ENTPD1: variants seen among roughly 807,000 people sequenced by gnomAD.
ENTPD1 encodes the protein ATP diphosphohydrolase.
A neutral mutation model predicts 57.0 loss-of-function variants in ENTPD1; 33 were observed. That is an observed-to-expected ratio of 0.58 (90% CI 0.44 to 0.77). The LOEUF is 0.77. ENTPD1 is among the 30% of genes least tolerant of loss of function. The pLI is 0.00. For synonymous variants in ENTPD1, 202 were observed against 218.8 expected (o/e 0.92, Z 0.68); for missense variants, 501 against 603.4 (o/e 0.83, Z 1.78).
chr10:95,749,638 G>A (rs2098009696), intron 1 of ENTPD1, among the ~76,000 whole-genome samples: 2 of 152,178 alleles, frequency 1.3e-5, no homozygotes, highest in Admixed American at 1.3e-4. Flanking sequence ...GAGGGAATGA[G>A]CCATGTGGAT....
chr10:95,700,322 AG>A, the ENTPD1 span, among the ~76,000 whole-genome samples: 1 of 152,206 alleles, frequency 6.6e-6, no homozygotes, highest in East Asian at 1.9e-4. Flanking sequence ...TAAATCTACA[AG>A]TCCAATGTTT....
At chr10:95,819,179 T>C (rs2098340036) in intron 1 of ENTPD1, among the ~76,000 whole-genome samples, 1 of 152,166 alleles carries the variant, frequency 6.6e-6, no homozygotes, top group Non-Finnish European at 1.5e-5. Context: ...TTTGTTTGTT[T>C]TGGAGACAGG....
chr10:95,736,401 C>A (rs2097994731), intron 1 of ENTPD1, among the ~76,000 whole-genome samples: 1 of 152,042 alleles, frequency 6.6e-6, no homozygotes, highest in Non-Finnish European at 1.5e-5. Flanking sequence ...TTCTAGCTAA[C>A]CTTTTCCCCT....
Position 95,866,430 on chromosome 10 carries a change from C to T in ENTPD1, c.*47C>T, listed in dbSNP as rs761224350. 1.9e-6 allele frequency: 3 copies of T among 1,610,008 alleles called. No homozygotes were observed. In the East Asian group the frequency reaches 6.7e-5, roughly 36 times the overall value. ...GGCTGGAGTGAGGAAAAAAATCGTC[C>T]AGGGAGCATTTTCCTCCATCGCAGT... On this transcript the variant is annotated 3_prime_UTR_variant, in exon 10 of 10. Transcript: ENST00000371205.
chr10:95,871,361 C>A lies in ENTPD1; in HGVS notation c.*4978C>A. Reference sequence around the variant, plus strand: ...CTTCTAAGACATCATCAGTCTGCAACTTCTTTCCATAGCCTTAATCAGGAT... The same window carrying A: ...CTTCTAAGACATCATCAGTCTGCAAATTCTTTCCATAGCCTTAATCAGGAT... On this transcript the variant is annotated 3_prime_UTR_variant, in exon 10 of 10. Transcript: ENST00000371205. 2.0e-6 allele frequency: 2 copies of A among 985,442 alleles called. No individual in the cohort carries two copies. Among genetic ancestry groups the A allele is most frequent in the South Asian group, 9.4e-5 (2 of 21,286 alleles). The allele number at this position is 985,442 out of a possible 1,614,324, so 61.0% of individuals were successfully genotyped here.
chr10:95,868,198 T>G lies in ENTPD1; in HGVS notation c.*1815T>G, dbSNP rs1228666446. 4 of 985,370 alleles carry G rather than the reference T, an allele frequency of 4.1e-6. No individual in the cohort carries two copies. Among genetic ancestry groups the G allele is most frequent in the Non-Finnish European group, 4.8e-6 (4 of 829,948 alleles). The allele number at this position is 985,370 out of a possible 1,614,324, so 61.0% of individuals were successfully genotyped here. A position where few individuals can be genotyped will look rare whatever the true frequency, so the allele number is the denominator to read the frequency against. ...AGGTTAAGTCATTTGCCCAAATGGCTGAGCCAAAGCCTACCATGTACCTAA... is the reference window on the plus strand; with the variant it reads ...AGGTTAAGTCATTTGCCCAAATGGCGGAGCCAAAGCCTACCATGTACCTAA... On this transcript the variant is annotated 3_prime_UTR_variant, in exon 10 of 10. Coordinates refer to ENST00000371205, the MANE Select transcript of ENTPD1 (RefSeq NM_001776.6).
chr10:95,773,640 T>C (rs1399210247), intron 1 of ENTPD1, among the ~76,000 whole-genome samples: 1 of 152,168 alleles, frequency 6.6e-6, no homozygotes, highest in African/African-American at 2.4e-5. Flanking sequence ...AAGAGAGTCA[T>C]CCTGTCCTTT....
intron 1 of ENTPD1, among the ~76,000 whole-genome samples, chr10:95,740,236 G>A (rs142085394): frequency 0.019 from 2,880 of 152,184 alleles, 92 homozygotes; most frequent in African/African-American, 0.064. Flanking sequence ...AGTGATTCTC[G>A]TGCCTCGGCC....
At chr10:95,817,450 G>C (rs902220109) in intron 1 of ENTPD1, among the ~76,000 whole-genome samples, 16 of 152,246 alleles carry the variant, frequency 1.1e-4, no homozygotes, top group Admixed American at 8.5e-4. Flanking sequence ...AGCCCCCAAT[G>C]GTTCCTTGTT....
At chr10:95,774,968 G>C (rs922714915) in intron 1 of ENTPD1, among the ~76,000 whole-genome samples, 1 of 152,162 alleles carries the variant, frequency 6.6e-6, no homozygotes, top group Non-Finnish European at 1.5e-5. Context: ...CATGAGCATG[G>C]AATGTTCTTC....
Position 95,749,552 on chromosome 10 carries a change from T to C in ENTPD1, c.37+37559T>C, listed in dbSNP as rs375960006. Among the ~76,000 whole-genome samples, 97 of 152,288 alleles carry C rather than the reference T, an allele frequency of 6.4e-4. 1 individual carries two copies. The South Asian group carries it at 0.02, about 31-fold the overall frequency. On this transcript the variant is annotated intron_variant, in intron 1 of 9. Transcript: ENST00000453258. ...TCCAAAGGGCCTTAGGCCATTTTAG[T>C]AGAAAATAGCATTTACAAATAGCCA...
At chr10:95,787,760 A>G (rs2098186461) in intron 1 of ENTPD1, among the ~76,000 whole-genome samples, 1 of 152,112 alleles carries the variant, frequency 6.6e-6, no homozygotes. Flanking sequence ...TATTATTTGC[A>G]TTTTTCTTAT....
intron 1 of ENTPD1, among the ~76,000 whole-genome samples, chr10:95,782,147 A>C (rs1276378841): frequency 1.3e-5 from 2 of 152,186 alleles, no homozygotes; most frequent in Non-Finnish European, 2.9e-5. Context: ...TCTATAAAGG[A>C]CTAATGTGCC....
At chr10:95,720,163 G>A (rs924201304) in intron 1 of ENTPD1, among the ~76,000 whole-genome samples, 2 of 151,604 alleles carry the variant, frequency 1.3e-5, no homozygotes, top group Non-Finnish European at 2.9e-5. Flanking sequence ...GGCCTCGGGT[G>A]TAAGGGGGTA....
At chr10:95,713,472 A>G (rs2097968141) in intron 1 of ENTPD1, among the ~76,000 whole-genome samples, 1 of 152,234 alleles carries the variant, frequency 6.6e-6, no homozygotes, top group African/African-American at 2.4e-5. Context: ...ACCCAAAACA[A>G]AATTAAAATC....
intron 1 of ENTPD1, among the ~76,000 whole-genome samples, chr10:95,714,365 A>G (rs2139812018): frequency 6.6e-6 from 1 of 152,212 alleles, no homozygotes; most frequent in East Asian, 1.9e-4. Flanking sequence ...AATAAACGTT[A>G]AAGTTTGAAA....
chr10:95,783,968 G>A (rs1412323698), intron 1 of ENTPD1, among the ~76,000 whole-genome samples: 3 of 152,086 alleles, frequency 2.0e-5, no homozygotes, highest in African/African-American at 7.2e-5. Context: ...GGGGGTGAAA[G>A]CGGGTAGAAA....
rs2098486053 is a variant in ENTPD1 at position 95,876,635 on chromosome 10, T to C, written c.*10252T>C. 8.1e-7 allele frequency: 1 copy of C among 1,229,054 alleles called. No homozygotes were observed. The highest frequency in any genetic ancestry group is 3.2e-5 in the East Asian group (1 of 31,582). 76.1% of individuals were successfully genotyped at this position (1,229,054 alleles called of 1,614,324 possible). A position where few individuals can be genotyped will look rare whatever the true frequency, so the allele number is the denominator to read the frequency against. The stretch of plus-strand genomic sequence containing the variant: ...CAGTGAAGTCTGTTTGAAGGATGTA[T>C]TTGGCTGTCTTCTGGACAGGCCATT... On this transcript the variant is annotated 3_prime_UTR_variant, in exon 10 of 10. Coordinates refer to ENST00000371205, the MANE Select transcript of ENTPD1 (RefSeq NM_001776.6).
chr10:95,718,468 T>C (rs1352915791), intron 1 of ENTPD1, among the ~76,000 whole-genome samples: 2 of 152,248 alleles, frequency 1.3e-5, no homozygotes, highest in East Asian at 3.9e-4. Context: ...CCCAGCAGTG[T>C]AAGACTGCCA....
Sources: allele counts gnomAD v4.1 joint callset (sites outside exome capture counted in the v4.1 genomes callset), GRCh38; gene constraint gnomAD v4.1.1; transcripts MANE v1.5; gene names NCBI Gene and HGNC (gene_info 2026-07-23, HGNC 2026-07-21).